The following DLG2 variants were observed in gnomAD, a reference collection of about 807,000 sequenced individuals.
DLG2 encodes the protein disks large homolog 2.
Under a neutral mutation model 132.5 loss-of-function variants are expected in DLG2, and 45 were observed. That is an observed-to-expected ratio of 0.34 (90% CI 0.27 to 0.44). The LOEUF is 0.44. DLG2 is among the 20% of genes least tolerant of loss of function. The probability of loss-of-function intolerance (pLI) is 1.00; values close to 1 mark genes in which losing one functional copy is unlikely to be tolerated. For missense variants in DLG2, 1,045 were observed against 1,196.9 expected, an observed-to-expected ratio of 0.87 and a Z score of 1.87; for synonymous variants, 424 against 419.6, an observed-to-expected ratio of 1.01 and a Z score of -0.13.
At chr11:84,506,569 C>T (rs903087815) in intron 7 of DLG2, among the ~76,000 whole-genome samples, 1 of 152,148 alleles carries the variant, frequency 6.6e-6, no homozygotes, top group East Asian at 1.9e-4. Context: ...GAAACTGATT[C>T]TTCCCTCAAG....
At chr11:85,094,969 G>A (rs1000732815) in intron 6 of DLG2, among the ~76,000 whole-genome samples, 6 of 152,130 alleles carry the variant, frequency 3.9e-5, no homozygotes, top group Admixed American at 2.6e-4. Context: ...AGAGGCCATT[G>A]TAAGGTTATT....
rs377699535 is a variant in DLG2, at chr11:85,500,550, TA to T, written c.40+98106del. On this transcript the variant is annotated intron_variant, in intron 3 of 27. Transcript: ENST00000376104. The stretch of plus-strand genomic sequence containing the variant: ...AAAACTTAGAGTATAATAAAAAAAA[TA>T]AAAATAAAATAAATAAATAAATAAA... Among the ~76,000 whole-genome samples the T allele has an allele frequency of 3.6e-4, 45 of 126,436 alleles. 1 individual carries two copies. The Middle Eastern group carries it at 0.031, about 86-fold the overall frequency. 82.9% of individuals were successfully genotyped at this position (126,436 alleles called of 152,430 possible).
chr11:85,533,415 A>T lies in DLG2; in HGVS notation c.40+65242T>A, dbSNP rs1197340635. Reference sequence around the variant, plus strand: ...TAAAATACATACACACACTATATACATATTGAAATATATATATGAAATACA... The same window carrying T: ...TAAAATACATACACACACTATATACTTATTGAAATATATATATGAAATACA... On this transcript the variant is annotated intron_variant, in intron 3 of 27. Transcript: ENST00000376104. Among the ~76,000 whole-genome samples the T allele has an allele frequency of 3.3e-5, 5 of 149,434 alleles. 1 individual carries two copies. The highest frequency in any genetic ancestry group is 7.1e-3 in the Middle Eastern group (2 of 280).
intron 3 of DLG2, among the ~76,000 whole-genome samples, chr11:85,380,095 A>G (rs748849627): frequency 2.0e-5 from 3 of 152,196 alleles, no homozygotes; most frequent in African/African-American, 7.2e-5. Context: ...CCTCACCTAA[A>G]TATCACCCAC....
At chr11:84,864,914 T>C (rs1014912717) in intron 6 of DLG2, among the ~76,000 whole-genome samples, 1 of 152,144 alleles carries the variant, frequency 6.6e-6, no homozygotes, top group Non-Finnish European at 1.5e-5. Flanking sequence ...GGCATGGAGA[T>C]ATGAAAATTC....
At chr11:83,617,750 A>G (rs2153425546) in intron 19 of DLG2, among the ~76,000 whole-genome samples, 1 of 152,226 alleles carries the variant, frequency 6.6e-6, no homozygotes, top group South Asian at 2.1e-4. Flanking sequence ...CCTGGCTCAC[A>G]CCTGTAATCC....
chr11:85,471,767 G>A (rs1247224440), intron 3 of DLG2, among the ~76,000 whole-genome samples: 4 of 152,094 alleles, frequency 2.6e-5, no homozygotes, highest in African/African-American at 7.2e-5. Flanking sequence ...AACAATATGA[G>A]AGAAGCAATA....
intron 16 of DLG2, among the ~76,000 whole-genome samples, chr11:83,844,547 C>CAAAAAAAAA (rs59755957): frequency 2.8e-5 from 2 of 70,648 alleles, no homozygotes; most frequent in Non-Finnish European, 5.0e-5. Flanking sequence ...GAGTCTGTAT[C>CAAAAAAAAA]AAAAAAAAAA....
At chr11:85,278,530 G>A (rs950445524) in intron 4 of DLG2, among the ~76,000 whole-genome samples, 29 of 152,010 alleles carry the variant, frequency 1.9e-4, no homozygotes, top group African/African-American at 6.8e-4. Flanking sequence ...AACCTGGGAG[G>A]TGGAGATTGC....
chr11:84,307,840 A>G (rs2098241372), intron 7 of DLG2, among the ~76,000 whole-genome samples: 1 of 151,254 alleles, frequency 6.6e-6, no homozygotes, highest in South Asian at 2.1e-4. Flanking sequence ...GGTCTCGCTG[A>G]CTCAGGAGTG....
chr11:85,570,775 A>G (rs2077800422), intron 3 of DLG2, among the ~76,000 whole-genome samples: 1 of 151,992 alleles, frequency 6.6e-6, no homozygotes. Context: ...ACAGATCTCT[A>G]TGGCACTGTT....
At chr11:84,938,554 T>C (rs879334952) in intron 6 of DLG2, among the ~76,000 whole-genome samples, 1 of 152,170 alleles carries the variant, frequency 6.6e-6, no homozygotes, top group African/African-American at 2.4e-5. Context: ...CTATGGGAAA[T>C]GTTTCTTTCT....
chr11:84,645,948 C>G (rs1215225430), intron 6 of DLG2, among the ~76,000 whole-genome samples: 1 of 152,192 alleles, frequency 6.6e-6, no homozygotes, highest in East Asian at 1.9e-4. Flanking sequence ...GTGAAAAGAA[C>G]TACACAATAA....
chr11:85,529,937 T>G (rs1378886668), intron 3 of DLG2, among the ~76,000 whole-genome samples: 3 of 152,160 alleles, frequency 2.0e-5, no homozygotes, highest in Non-Finnish European at 4.4e-5. Flanking sequence ...ATTTACCACT[T>G]TCTCTTCTAG....
intron 18 of DLG2, among the ~76,000 whole-genome samples, chr11:83,703,679 T>A (rs1474723403): frequency 6.6e-6 from 1 of 152,196 alleles, no homozygotes; most frequent in Non-Finnish European, 1.5e-5. Flanking sequence ...CAAAGTTTTC[T>A]TTACATTTGA....
At chr11:85,611,717 T>C (rs2081012333) in intron 2 of DLG2, among the ~76,000 whole-genome samples, 1 of 152,244 alleles carries the variant, frequency 6.6e-6, no homozygotes, top group African/African-American at 2.4e-5. Context: ...TAATCCTACA[T>C]GCCTATGCTA....
At chr11:83,918,484 G>T (rs890541732) in intron 15 of DLG2, among the ~76,000 whole-genome samples, 4 of 152,116 alleles carry the variant, frequency 2.6e-5, no homozygotes, top group Admixed American at 2.0e-4. Flanking sequence ...CTAAGAAAAG[G>T]TTTGTTGCTC....
intron 3 of DLG2, among the ~76,000 whole-genome samples, chr11:85,296,890 TATA>T (rs2079259624): frequency 6.7e-6 from 1 of 149,946 alleles, no homozygotes; most frequent in African/African-American, 2.4e-5. Flanking sequence ...TTTTATTATA[TATA>T]ATTATATTAT....
At chr11:85,136,766 AAGTCC>A (rs1331257885) in intron 5 of DLG2, among the ~76,000 whole-genome samples, 1 of 152,162 alleles carries the variant, frequency 6.6e-6, no homozygotes, top group East Asian at 1.9e-4. Flanking sequence ...TTTAGAAGTG[AAGTCC>A]AGTCAGTGTC....
Sources: allele counts gnomAD v4.1 joint callset (sites outside exome capture counted in the v4.1 genomes callset), GRCh38; gene constraint gnomAD v4.1.1; transcripts MANE v1.5; gene names NCBI Gene and HGNC (gene_info 2026-07-23, HGNC 2026-07-21).